COL6A5: variants seen among roughly 807,000 people sequenced by gnomAD.
COL6A5 encodes the protein collagen type VI alpha 5 chain, also known as collagen alpha-5(VI) chain.
COL6A5 carries 48 observed loss-of-function variants against 65.6 expected under a neutral mutation model. The ratio of observed to expected loss-of-function variants is 0.73; its 90% confidence interval spans 0.58 to 0.93. The LOEUF (loss-of-function observed/expected upper bound fraction) is 0.93. COL6A5 is among the 40% of genes least tolerant of loss of function. The pLI is 0.00. For missense variants in COL6A5, 914 were observed against 928.3 expected (o/e 0.98, Z 0.20); for synonymous variants, 291 against 322.8 (o/e 0.90, Z 1.05).
At chr3:130,473,791 C>G (rs1274394108) in intron 7 of COL6A5, among the ~76,000 whole-genome samples, 1 of 152,220 alleles carries the variant, frequency 6.6e-6, no homozygotes, top group Non-Finnish European at 1.5e-5. Context: ...GTTACCTCCT[C>G]CTCCCTGCTC....
rs1303747486 is a variant in COL6A5, at chr3:130,413,534, T to G, written c.4663-11T>G. On this transcript the variant is annotated splice_polypyrimidine_tract_variant and intron_variant and NMD_transcript_variant, in intron 20 of 41. Coordinates refer to the COL6A5 transcript ENST00000312481. ...CATCCACATACTAACAGTTTGCCTT[T>G]TCTGTCCCAGGGAAGAGAAGGTCAA... 2 of 1,548,144 alleles carry G rather than the reference T, an allele frequency of 1.3e-6. No individual in the cohort carries two copies. Among genetic ancestry groups the G allele is most frequent in the Non-Finnish European group, 1.7e-6 (2 of 1,144,260 alleles).
At chr3:130,393,080 G>T (rs75490838) in intron 7 of COL6A5, among the ~76,000 whole-genome samples, 66,141 of 138,750 alleles carry the variant, frequency 0.48, 16,192 homozygotes, top group Non-Finnish European at 0.58. Flanking sequence ...TTTTTTTTGT[G>T]TGTGTGTGTG....
In COL6A5 at chr3:130,460,266, C is replaced by T. The variant is rs564485267; in HGVS notation, c.1544+4600C>T. On this transcript the variant is annotated intron_variant, in intron 5 of 7. Coordinates refer to ENST00000512836, the Ensembl canonical transcript of COL6A5. ...TATGAAATCATTAAGAAATCTCAACCACTGTGTTGCTCTTTGTGGAATAAA... is the reference window on the plus strand; with the variant it reads ...TATGAAATCATTAAGAAATCTCAACTACTGTGTTGCTCTTTGTGGAATAAA... Among the ~76,000 whole-genome samples, 3 of 152,226 alleles carry T rather than the reference C, an allele frequency of 2.0e-5. No individual in the cohort carries two copies. In the South Asian group the frequency reaches 6.2e-4, roughly 32 times the overall value.
rs139120753 is a variant in COL6A5, at chr3:130,393,381, C to T, written c.2993-1509C>T. On this transcript the variant is annotated intron_variant and NMD_transcript_variant, in intron 7 of 41. Coordinates refer to the COL6A5 transcript ENST00000312481. ...ACCTGACCCCGTGTCCCCACTGTAT[C>T]CCCCAACTCTCACTCCTTCTATTTT... Among the ~76,000 whole-genome samples, 24 of 152,190 alleles carry T rather than the reference C, an allele frequency of 1.6e-4. No individual in the cohort carries two copies. The East Asian group carries it at 4.3e-3, about 27-fold the overall frequency.
intron 5 of COL6A5, among the ~76,000 whole-genome samples, chr3:130,386,207 C>T (rs1936181162): frequency 6.6e-6 from 1 of 152,038 alleles, no homozygotes; most frequent in Non-Finnish European, 1.5e-5. Context: ...GGTTCATACC[C>T]TAGCTTTACC....
At chr3:130,398,193 C>A in intron 10 of COL6A5, 82 bp downstream of exon 10, 2 of 902,206 alleles carry the variant, frequency 2.2e-6, no homozygotes, top group Non-Finnish European at 3.4e-6. Flanking sequence ...TGCAGTGGCA[C>A]GATCTCAGCT....
chr3:130,396,076 A>G (rs1404808558), intron 8 of COL6A5, among the ~76,000 whole-genome samples: 5 of 152,238 alleles, frequency 3.3e-5, no homozygotes, highest in Non-Finnish European at 5.9e-5. Context: ...GCAGAGTATG[A>G]GGACAGTGAA....
chr3:130,374,072 A>T (rs1403550355), intron 2 of COL6A5, among the ~76,000 whole-genome samples: 3 of 152,164 alleles, frequency 2.0e-5, no homozygotes, highest in Non-Finnish European at 4.4e-5. Context: ...TCGTGACTAA[A>T]ACCATTGCCT....
In COL6A5 at chr3:130,450,599, C is replaced by T. The variant is rs527396876; in HGVS notation, c.1333-4856C>T. Among the ~76,000 whole-genome samples the T allele has an allele frequency of 8.5e-5, 13 of 152,154 alleles. No individual in the cohort carries two copies. The South Asian group carries it at 1.2e-3, about 15-fold the overall frequency. On this transcript the variant is annotated intron_variant, in intron 4 of 7. Coordinates refer to ENST00000512836, the Ensembl canonical transcript of COL6A5. ...AGGTAAATTTTGTCGTTGGACAGAA[C>T]GCATGGCCATTTTACATTCGTGGTT...
intron 22 of COL6A5, among the ~76,000 whole-genome samples, chr3:130,415,014 C>T (rs961086957): frequency 1.3e-5 from 2 of 152,036 alleles, no homozygotes; most frequent in Non-Finnish European, 2.9e-5. Context: ...CTTCAGATAC[C>T]TCAGACACCC....
intron 1 of COL6A5, among the ~76,000 whole-genome samples, chr3:130,361,595 C>T (rs1342625469): frequency 1.3e-5 from 2 of 151,968 alleles, no homozygotes; most frequent in Non-Finnish European, 1.5e-5. Flanking sequence ...TACCAGGAAG[C>T]GTGATTGCTG....
chr3:130,442,801 T>A (rs1391046), intron 3 of COL6A5, among the ~76,000 whole-genome samples: 141,562 of 152,272 alleles, frequency 0.93, 65,856 homozygotes, highest in Non-Finnish European at 0.95. Context: ...CTTATCTTAG[T>A]ATTTGAAAAT....
intron 20 of COL6A5, 77 bp from the exon 21 acceptor site, chr3:130,413,468 T>A: frequency 7.5e-7 from 1 of 1,334,726 alleles, no homozygotes; most frequent in East Asian, 2.5e-5. Flanking sequence ...TAGCAGAGAA[T>A]GAAAGAGGCT....
intron 5 of COL6A5, among the ~76,000 whole-genome samples, chr3:130,387,034 G>A (rs1223617370): frequency 2.0e-5 from 3 of 152,062 alleles, no homozygotes; most frequent in African/African-American, 7.2e-5. Flanking sequence ...AGGGTGAATA[G>A]TCCAGGTCTA....
At chr3:130,449,304 G>C (rs1182839038) in intron 4 of COL6A5, among the ~76,000 whole-genome samples, 5 of 152,138 alleles carry the variant, frequency 3.3e-5, no homozygotes, top group Non-Finnish European at 7.3e-5. Flanking sequence ...TTTGGACTGA[G>C]ACCGAGTCCA....
intron 5 of COL6A5, among the ~76,000 whole-genome samples, chr3:130,387,658 G>A (rs1032003573): frequency 6.6e-6 from 1 of 151,894 alleles, no homozygotes; most frequent in African/African-American, 2.4e-5. Context: ...TTTAATATAT[G>A]GCTGATGCTA....
intron 1 of COL6A5, among the ~76,000 whole-genome samples, chr3:130,434,426 AT>A (rs1937957488): frequency 6.6e-6 from 1 of 152,224 alleles, no homozygotes; most frequent in Non-Finnish European, 1.5e-5. Context: ...TAGTTAAATG[AT>A]TTATATGCCT....
chr3:130,471,772 G>C (rs1709958801), intron 7 of COL6A5: 2 of 1,534,916 alleles, frequency 1.3e-6, no homozygotes, highest in South Asian at 2.4e-5. Flanking sequence ...TTGTATTAGG[G>C]AACAATCATA....
intron 1 of COL6A5, among the ~76,000 whole-genome samples, chr3:130,349,548 A>C (rs1934625809): frequency 6.6e-6 from 1 of 152,216 alleles, no homozygotes; most frequent in Non-Finnish European, 1.5e-5. Flanking sequence ...AGAAAACACA[A>C]AAATTTAAGT....
Sources: allele counts gnomAD v4.1 joint callset (sites outside exome capture counted in the v4.1 genomes callset), GRCh38; gene constraint gnomAD v4.1.1; transcripts MANE v1.5; gene names NCBI Gene and HGNC (gene_info 2026-07-23, HGNC 2026-07-21).